FAM228B: variants seen among roughly 807,000 people sequenced by gnomAD.
FAM228B encodes family with sequence similarity 228 member B, also known as protein FAM228B.
FAM228B carries 38 observed loss-of-function variants against 42.6 expected under a neutral mutation model. The ratio of observed to expected loss-of-function variants is 0.89; its 90% confidence interval spans 0.69 to 1.17. FAM228B has a LOEUF of 1.17. FAM228B is among the 50% of genes most tolerant of loss of function. The pLI is 0.00. For missense variants in FAM228B, 344 were observed against 367.3 expected, an observed-to-expected ratio of 0.94 and a Z score of 0.52; for synonymous variants, 109 against 122.3, an observed-to-expected ratio of 0.89 and a Z score of 0.72.
upstream of FAM228B, among the ~76,000 whole-genome samples, chr2:24,120,558 T>TAA (rs72197172): frequency 9.2e-5 from 14 of 152,230 alleles, no homozygotes; most frequent in African/African-American, 3.4e-4. Flanking sequence ...TGATTTTTTT[T>TAA]AAAATTTTTT....
At chr2:24,117,256 T>C (rs1665950886) in intron 3 of FAM228B, among the ~76,000 whole-genome samples, 1 of 152,118 alleles carries the variant, frequency 6.6e-6, no homozygotes, top group Non-Finnish European at 1.5e-5. Context: ...CGTCAAATGA[T>C]CTACCCACCT....
At chr2:24,122,548 C>G, upstream of FAM228B, 1 of 1,576,032 alleles carries the variant, frequency 6.3e-7, no homozygotes, top group Non-Finnish European at 8.7e-7. Flanking sequence ...TCCCTCAACT[C>G]TGAAAGGGAA....
chr2:24,127,550 T>C (rs1229603492), intron 2 of FAM228B, among the ~76,000 whole-genome samples: 1 of 152,254 alleles, frequency 6.6e-6, no homozygotes, highest in Admixed American at 6.5e-5. Context: ...GATACCGTTT[T>C]AAATTTTCAT....
Position 24,077,283 on chromosome 2 carries a change from G to A in FAM228B, c.-290+314G>A, listed in dbSNP as rs928098327. On this transcript the variant is annotated intron_variant, in intron 1 of 10. Transcript: ENST00000613899. The surrounding 1 kb of genome is among the most constrained non-coding windows in gnomAD (Gnocchi z 5.5). Reference sequence around the variant, plus strand: ...TGGGGTTCTGGCGGCTTGTGTCACGGCTGACGCTGTAACTATACCCAGAAT... The same window carrying A: ...TGGGGTTCTGGCGGCTTGTGTCACGACTGACGCTGTAACTATACCCAGAAT... 7.2e-6 allele frequency: 2 copies of A among 278,178 alleles called. No individual in the cohort carries two copies. The highest frequency in any genetic ancestry group is 6.9e-6 in the Non-Finnish European group (1 of 144,176). The allele number at this position is 278,178 out of a possible 1,614,324, so 17.2% of individuals were successfully genotyped here. A position where few individuals can be genotyped will look rare whatever the true frequency, so the allele number is the denominator to read the frequency against.
chr2:24,123,704 A>T (rs1022603493), intron 1 of FAM228B, among the ~76,000 whole-genome samples, 171 bp downstream of exon 1: 4 of 150,886 alleles, frequency 2.7e-5, no homozygotes, highest in African/African-American at 9.7e-5. Context: ...CCTCCCCGCC[A>T]GGCCGGGCGG....
At chr2:24,119,045 C>T (rs537274687), upstream of FAM228B, among the ~76,000 whole-genome samples, 12 of 152,252 alleles carry the variant, frequency 7.9e-5, no homozygotes, top group East Asian at 5.8e-4. Flanking sequence ...TGTATAGACA[C>T]GGAGGGGGAA....
intron 2 of FAM228B, among the ~76,000 whole-genome samples, chr2:24,125,131 C>T (rs150374955): frequency 2.5e-4 from 38 of 152,264 alleles, no homozygotes; most frequent in African/African-American, 6.7e-4. Flanking sequence ...AATCCCAGCA[C>T]GTTGGGAGGC....
chr2:24,082,336 C>G (rs1665042407), intron 2 of FAM228B, among the ~76,000 whole-genome samples: 2 of 152,146 alleles, frequency 1.3e-5, no homozygotes, highest in African/African-American at 4.8e-5. Context: ...ACAAGTCTAC[C>G]CACCCTTCAA....
In FAM228B at chr2:24,145,728, C is replaced by T. The variant is rs1397701573; in HGVS notation, c.442-1020C>T. 8.2e-5 allele frequency among the ~76,000 whole-genome samples: 11 copies of T among 134,940 alleles called. No homozygotes were observed. In the East Asian group the frequency reaches 8.6e-4, roughly 11 times the overall value. 88.5% of individuals were successfully genotyped at this position (134,940 alleles called of 152,430 possible). A position where few individuals can be genotyped will look rare whatever the true frequency, so the allele number is the denominator to read the frequency against. On this transcript the variant is annotated intron_variant, in intron 5 of 10. Coordinates refer to ENST00000615575, the MANE Select transcript of FAM228B (RefSeq NM_001145710.2). ...TTCCTTTTTTTTTTTTTTTTTGAGA[C>T]GGAGTCTTGCTCTGTCGCCCAAGTG... is the stretch of plus-strand genomic sequence containing the variant.
At chr2:24,154,222 A>G (rs78422733) in intron 7 of FAM228B, among the ~76,000 whole-genome samples, 4,508 of 152,328 alleles carry the variant, frequency 0.03, 86 homozygotes, top group African/African-American at 0.058. Flanking sequence ...GTGCAGATAG[A>G]TGTTCAAATT....
chr2:24,082,689 G>A (rs1665056603), intron 2 of FAM228B, among the ~76,000 whole-genome samples: 1 of 152,116 alleles, frequency 6.6e-6, no homozygotes, highest in Admixed American at 6.5e-5. Context: ...CCTATCTAGT[G>A]TTATCCAGAC....
chr2:24,096,287 C>T (rs1665496393), intron 3 of FAM228B: 1 of 152,166 alleles, frequency 6.6e-6, no homozygotes, highest in African/African-American at 2.4e-5. Flanking sequence ...ATGACTTTGA[C>T]AAGTCGACAG....
At chr2:24,091,474 CAA>C (rs1361136277) in intron 2 of FAM228B, among the ~76,000 whole-genome samples, 1 of 152,098 alleles carries the variant, frequency 6.6e-6, no homozygotes, top group Non-Finnish European at 1.5e-5. Flanking sequence ...CAAAAAACCA[CAA>C]GAGATGCTAA....
upstream of FAM228B, chr2:24,122,514 A>G: frequency 1.2e-6 from 2 of 1,613,910 alleles, no homozygotes; most frequent in Non-Finnish European, 1.7e-6. Flanking sequence ...GTGTCTAACA[A>G]TAAGCTCTGC....
intron 8 of FAM228B, among the ~76,000 whole-genome samples, chr2:24,163,640 A>C (rs1459405188): frequency 6.6e-6 from 1 of 152,216 alleles, no homozygotes; most frequent in African/African-American, 2.4e-5. Context: ...TTTTACAATA[A>C]TCAGCATCTT....
intron 2 of FAM228B, chr2:24,081,069 C>A (rs757595637): frequency 1.9e-6 from 3 of 1,579,794 alleles, no homozygotes; most frequent in African/African-American, 1.4e-5. Context: ...TACTTTGCAA[C>A]TGCTACACAT....
intron 3 of FAM228B, among the ~76,000 whole-genome samples, chr2:24,108,850 G>A (rs978200499): frequency 2.0e-5 from 3 of 149,452 alleles, no homozygotes; most frequent in Admixed American, 6.8e-5. Flanking sequence ...GCAGTGAGCC[G>A]AGATTGCGCC....
At chr2:24,152,370 G>A (rs1466122971) in intron 7 of FAM228B, among the ~76,000 whole-genome samples, 1 of 152,162 alleles carries the variant, frequency 6.6e-6, no homozygotes, top group Non-Finnish European at 1.5e-5. Context: ...ATATTTTCCT[G>A]GATGGTGTTG....
chr2:24,131,782 C>T (rs901029482), intron 2 of FAM228B, among the ~76,000 whole-genome samples: 1 of 152,152 alleles, frequency 6.6e-6, no homozygotes, highest in African/African-American at 2.4e-5. Context: ...CAAACAGAGA[C>T]AATTTGACTT....
Sources: allele counts gnomAD v4.1 joint callset (sites outside exome capture counted in the v4.1 genomes callset), GRCh38; gene constraint gnomAD v4.1.1; non-coding constraint Gnocchi (gnomAD v3.1); transcripts MANE v1.5; gene names NCBI Gene and HGNC (gene_info 2026-07-23, HGNC 2026-07-21).